Variants in CELF2 observed in about 807,000 individuals in gnomAD.
The protein encoded by CELF2 is CUG triplet repeat RNA-binding protein 2.
In CELF2, 8 loss-of-function variants were observed where a neutral mutation model predicts 62.6. The observed-to-expected ratio is 0.13, with a 90% CI of 0.07 to 0.23. CELF2 has a LOEUF of 0.23. Ranked by LOEUF, CELF2 falls within the 10% of genes least tolerant of loss-of-function variation. CELF2 has a pLI of 1.00. For missense variants in CELF2, 333 were observed against 671.0 expected (o/e 0.50, Z 5.56); for synonymous variants, 258 against 250.0 (o/e 1.03, Z -0.30).
chr10:10,889,555 T>C (rs1257880370), intron 1 of CELF2, among the ~76,000 whole-genome samples: 1 of 152,218 alleles, frequency 6.6e-6, no homozygotes, highest in Admixed American at 6.5e-5. Context: ...ACATGCAAGA[T>C]TCAGGTGCTA....
chr10:10,773,628 A>C, the CELF2 span, among the ~76,000 whole-genome samples: 1 of 152,174 alleles, frequency 6.6e-6, no homozygotes, highest in African/African-American at 2.4e-5. Context: ...GTATTTCAAC[A>C]CTGGCTGTAT....
chr10:10,989,257 A>G (rs2053166547), intron 2 of CELF2, among the ~76,000 whole-genome samples: 1 of 152,192 alleles, frequency 6.6e-6, no homozygotes, highest in Non-Finnish European at 1.5e-5. Flanking sequence ...ATTTGAATTT[A>G]TTGTAAATCT....
chr10:10,630,175 C>A, the CELF2 span, among the ~76,000 whole-genome samples: 11 of 152,234 alleles, frequency 7.2e-5, no homozygotes, highest in South Asian at 4.1e-4. Flanking sequence ...TTTAATCAGC[C>A]CATCTGTGTG....
chr10:10,892,585 C>T (rs138876527), intron 1 of CELF2, among the ~76,000 whole-genome samples: 270 of 152,332 alleles, frequency 1.8e-3, no homozygotes, highest in Middle Eastern at 0.014. Flanking sequence ...ATTCCACATT[C>T]ATTCTCATTA....
chr10:11,281,014 G>GTT (rs1239137571), intron 8 of CELF2, among the ~76,000 whole-genome samples: 9 of 151,942 alleles, frequency 5.9e-5, no homozygotes, highest in African/African-American at 2.2e-4. Flanking sequence ...GTGTGTGTGT[G>GTT]TGTGTGTTCA....
chr10:10,468,140 C>T, the CELF2 span, among the ~76,000 whole-genome samples: 1 of 151,992 alleles, frequency 6.6e-6, no homozygotes, highest in Non-Finnish European at 1.5e-5. Flanking sequence ...GCAAAATTGT[C>T]CTTGTTTGAG....
chr10:10,487,970 T>C, the CELF2 span, among the ~76,000 whole-genome samples: 1 of 152,120 alleles, frequency 6.6e-6, no homozygotes, highest in African/African-American at 2.4e-5. Context: ...TATGTGATCA[T>C]TACATGATTG....
At chr10:10,528,552 C>G in the CELF2 span, among the ~76,000 whole-genome samples, 1 of 152,186 alleles carries the variant, frequency 6.6e-6, no homozygotes, top group South Asian at 2.1e-4. Context: ...GCATGCACCC[C>G]ACTTAAGAGT....
the CELF2 span, among the ~76,000 whole-genome samples, chr10:10,718,623 C>CAA: frequency 7.2e-5 from 6 of 83,808 alleles, no homozygotes; most frequent in African/African-American, 1.7e-4. Flanking sequence ...GACTCCGTCT[C>CAA]AAAAAAAAAA....
chr10:10,592,186 C>A, the CELF2 span, among the ~76,000 whole-genome samples: 1 of 152,170 alleles, frequency 6.6e-6, no homozygotes, highest in East Asian at 1.9e-4. Context: ...CTGGCAGGAA[C>A]AATCTGTTCA....
intron 1 of CELF2, among the ~76,000 whole-genome samples, chr10:10,916,111 G>A (rs1258029655): frequency 1.3e-5 from 2 of 152,142 alleles, no homozygotes; most frequent in Non-Finnish European, 1.5e-5. Flanking sequence ...TTTTCCTCAA[G>A]GGTTGCTTTA....
At chr10:11,017,359 G>A (rs1175164430), upstream of CELF2, among the ~76,000 whole-genome samples, 1 of 152,236 alleles carries the variant, frequency 6.6e-6, no homozygotes, top group Non-Finnish European at 1.5e-5. The surrounding 1 kb of genome is among the most constrained non-coding windows in gnomAD (Gnocchi z 5.5). Flanking sequence ...CAAGATGACA[G>A]AAAAGGCAGT....
At chr10:10,488,859 T>C in the CELF2 span, among the ~76,000 whole-genome samples, 5,486 of 152,104 alleles carry the variant, frequency 0.036, 127 homozygotes, top group Middle Eastern at 0.078. Context: ...GTATAACCAA[T>C]GCAAGAAGGA....
chr10:10,597,309 T>G, the CELF2 span, among the ~76,000 whole-genome samples: 1 of 152,210 alleles, frequency 6.6e-6, no homozygotes, highest in African/African-American at 2.4e-5. Context: ...ACATTAGAAA[T>G]GACATTATGA....
chr10:10,674,105 T>C, the CELF2 span, among the ~76,000 whole-genome samples: 2 of 152,198 alleles, frequency 1.3e-5, no homozygotes, highest in Non-Finnish European at 2.9e-5. Flanking sequence ...GATCTGTGAA[T>C]TGCTGATAGA....
chr10:10,522,204 G>A, the CELF2 span, among the ~76,000 whole-genome samples: 9 of 152,222 alleles, frequency 5.9e-5, no homozygotes, highest in African/African-American at 2.2e-4. Context: ...ATACTTCGAA[G>A]TATTCTATGG....
chr10:11,121,656 G>C (rs72773948), intron 1 of CELF2, among the ~76,000 whole-genome samples: 3,413 of 152,190 alleles, frequency 0.022, 50 homozygotes, highest in Middle Eastern at 0.051. Context: ...ATTCTGGTTA[G>C]TGCAATGAAG....
chr10:10,986,661 A>G (rs1027514779), intron 2 of CELF2, among the ~76,000 whole-genome samples: 1 of 152,232 alleles, frequency 6.6e-6, no homozygotes, highest in Non-Finnish European at 1.5e-5. Flanking sequence ...TGAAAATTAA[A>G]TTGAATTAAT....
chr10:11,125,751 G>T (rs1477620487), intron 1 of CELF2, among the ~76,000 whole-genome samples: 1 of 152,012 alleles, frequency 6.6e-6, no homozygotes, highest in African/African-American at 2.4e-5. Context: ...AATCCCTACT[G>T]CCCCCATTAA....
Sources: allele counts gnomAD v4.1 joint callset (sites outside exome capture counted in the v4.1 genomes callset), GRCh38; gene constraint gnomAD v4.1.1; non-coding constraint Gnocchi (gnomAD v3.1); transcripts MANE v1.5; gene names NCBI Gene and HGNC (gene_info 2026-07-23, HGNC 2026-07-21).